FOXP1: variants seen among roughly 807,000 people sequenced by gnomAD.
FOXP1 encodes forkhead box P1, also known as forkhead box protein P1.
In FOXP1, 15 loss-of-function variants were observed where a neutral mutation model predicts 98.2. The observed-to-expected ratio is 0.15, with a 90% CI of 0.10 to 0.24. The LOEUF is 0.24. Ranked by LOEUF, FOXP1 falls within the 10% of genes least tolerant of loss-of-function variation. FOXP1 has a pLI of 1.00. For synonymous variants in FOXP1, 371 were observed against 314.5 expected (o/e 1.18, Z -1.90); for missense variants, 633 against 848.5 (o/e 0.75, Z 3.15).
At chr3:71,509,558 G>A (rs192394961) in intron 2 of FOXP1, among the ~76,000 whole-genome samples, 3 of 152,080 alleles carry the variant, frequency 2.0e-5, no homozygotes, top group African/African-American at 7.2e-5. Context: ...CATCATGGGG[G>A]GAGGACATAA....
intron 9 of FOXP1, among the ~76,000 whole-genome samples, chr3:71,050,390 G>A (rs1288978): frequency 0.25 from 37,602 of 152,130 alleles, 11,251 homozygotes; most frequent in African/African-American, 0.72. Context: ...AAGGAAAAAC[G>A]CAATCCCTGG....
intron 6 of FOXP1, among the ~76,000 whole-genome samples, chr3:71,117,997 G>T (rs1391547763): frequency 6.6e-6 from 1 of 152,172 alleles, no homozygotes. Context: ...GTGGGTCAGG[G>T]GGAGTGGTGG....
chr3:70,976,084 C>T (rs1345611524), intron 17 of FOXP1, among the ~76,000 whole-genome samples: 3 of 139,812 alleles, frequency 2.1e-5, no homozygotes, highest in African/African-American at 8.0e-5. Context: ...GGGTCTTGCT[C>T]TGTTGCCCAG....
intron 3 of FOXP1, among the ~76,000 whole-genome samples, chr3:71,462,146 A>T (rs571311858): frequency 6.6e-6 from 1 of 152,310 alleles, no homozygotes; most frequent in African/African-American, 2.4e-5. Flanking sequence ...GCCGCATAAA[A>T]TCAGGAAACA....
intron 12 of FOXP1, among the ~76,000 whole-genome samples, chr3:71,006,884 CTGTT>C (rs1407016155): frequency 6.6e-6 from 1 of 152,102 alleles, no homozygotes; most frequent in East Asian, 1.9e-4. Flanking sequence ...TAACTAAAAT[CTGTT>C]TGTTGAAAAA....
At chr3:71,570,135 G>C (rs2047223189) in intron 2 of FOXP1, 1 of 152,208 alleles carries the variant, frequency 6.6e-6, no homozygotes, top group Admixed American at 6.6e-5. Context: ...TACCTGAGGG[G>C]TCAGGGCACT....
chr3:71,006,468 A>C (rs763398075), intron 12 of FOXP1, among the ~76,000 whole-genome samples: 31 of 152,264 alleles, frequency 2.0e-4, no homozygotes, highest in South Asian at 1.0e-3. Context: ...ACGTTTATGA[A>C]GTACCAGCAA....
At chr3:70,992,771 G>A (rs1240549336) in intron 13 of FOXP1, among the ~76,000 whole-genome samples, 1 of 152,154 alleles carries the variant, frequency 6.6e-6, no homozygotes. Flanking sequence ...CCAGAGTAAG[G>A]CAGGATTTTA....
intron 7 of FOXP1, chr3:71,065,076 G>T (rs976744986): frequency 7.0e-6 from 1 of 143,766 alleles, no homozygotes; most frequent in African/African-American, 2.5e-5. Context: ...TCCGCGGCCC[G>T]CGCCCCGCGC....
At chr3:70,971,993 G>A in intron 18 of FOXP1, 3 of 1,346,214 alleles carry the variant, frequency 2.2e-6, no homozygotes, top group East Asian at 2.8e-5. Context: ...AAAAACAAAA[G>A]CAAGTAAAGG....
chr3:71,473,344 C>T (rs1414898732), intron 3 of FOXP1, among the ~76,000 whole-genome samples: 1 of 152,054 alleles, frequency 6.6e-6, no homozygotes, highest in African/African-American at 2.4e-5. Flanking sequence ...AAATACACTC[C>T]ACCTTTGGGC....
At chr3:71,568,836 G>A (rs893272751) in intron 2 of FOXP1, among the ~76,000 whole-genome samples, 7 of 151,968 alleles carry the variant, frequency 4.6e-5, no homozygotes, top group African/African-American at 1.5e-4. Context: ...TAGTAGAGAC[G>A]AGTTTTCACC....
At chr3:71,274,644 A>C (rs2070715922) in intron 5 of FOXP1, among the ~76,000 whole-genome samples, 1 of 152,214 alleles carries the variant, frequency 6.6e-6, no homozygotes, top group African/African-American at 2.4e-5. Context: ...TTTCGATAAC[A>C]CAGTGATCCA....
chr3:71,052,571 A>G lies in FOXP1; in HGVS notation c.476T>C (p.Leu159Ser). The G allele has an allele frequency of 6.9e-7, 1 of 1,442,514 alleles. No homozygotes were observed. Among genetic ancestry groups the G allele is most frequent in the Non-Finnish European group, 9.8e-7 (1 of 1,023,032 alleles). The allele number at this position is 1,442,514 out of a possible 1,614,324, so 89.4% of individuals were successfully genotyped here. A position where few individuals can be genotyped will look rare whatever the true frequency, so the allele number is the denominator to read the frequency against. The change falls in exon 9 of 21, where the codon TTA becomes TCA. Residue 159 changes from leucine to serine, a missense_variant. This residue lies in a region of FOXP1 where 210 missense variants were observed against 270.6 expected (regional missense o/e 0.78). Transcript: ENST00000649528. ...CTGTTTTCCAGCATGTTGTTGTTGT[A>G]AAAGTTGAAGCTGCAACTGTTCCTG... ...KQQEQLQLQL[L>S]QQQHAGKQPK...
At chr3:70,961,622 G>A (rs114546134) in intron 20 of FOXP1, among the ~76,000 whole-genome samples, 30 of 152,136 alleles carry the variant, frequency 2.0e-4, no homozygotes, top group South Asian at 4.2e-4. Flanking sequence ...TAAGCATTAC[G>A]GATGGGGATT....
intron 6 of FOXP1, among the ~76,000 whole-genome samples, chr3:71,167,386 C>T (rs2061442631): frequency 6.6e-6 from 1 of 152,210 alleles, no homozygotes; most frequent in Non-Finnish European, 1.5e-5. Context: ...ATTAGTATAA[C>T]ATTGCAGGCA....
chr3:70,995,405 T>A (rs2041226644), intron 13 of FOXP1, among the ~76,000 whole-genome samples: 1 of 152,206 alleles, frequency 6.6e-6, no homozygotes, highest in African/African-American at 2.4e-5. Flanking sequence ...TAAGATTATG[T>A]ATACTGATTA....
intron 3 of FOXP1, among the ~76,000 whole-genome samples, chr3:71,390,154 A>G (rs2080923555): frequency 6.6e-6 from 1 of 152,228 alleles, no homozygotes; most frequent in African/African-American, 2.4e-5. Context: ...TCACTTTTCT[A>G]TCAGCAAGTT....
At chr3:71,204,059 T>A (rs1051376051) in intron 5 of FOXP1, among the ~76,000 whole-genome samples, 7 of 152,196 alleles carry the variant, frequency 4.6e-5, no homozygotes, top group African/African-American at 1.7e-4. Flanking sequence ...TCTTACTTTA[T>A]TGTCAGTTAA....
Sources: gnomAD v4.1 joint callset for allele counts (sites outside exome capture counted in the v4.1 genomes callset) on GRCh38, gnomAD v4.1.1 for gene constraint, gnomAD v4.1.1 regional missense constraint, MANE v1.5 for transcripts, NCBI Gene and HGNC (gene_info 2026-07-23, HGNC 2026-07-21) for gene names.